The following MDM2 variants were observed in gnomAD, a reference collection of about 807,000 sequenced individuals.
MDM2 encodes MDM2 proto-oncogene.
In MDM2, 11 loss-of-function variants were observed where a neutral mutation model predicts 64.3. That is an observed-to-expected ratio of 0.17 (90% CI 0.11 to 0.28). The LOEUF is 0.28. Among genes scored for constraint, MDM2 ranks in the 10% least tolerant of loss-of-function variants. The pLI, the probability that MDM2 is intolerant of heterozygous loss-of-function variation, is 1.00. For synonymous variants in MDM2, 194 were observed against 192.9 expected, an observed-to-expected ratio of 1.01 and a Z score of -0.05; for missense variants, 388 against 577.1, an observed-to-expected ratio of 0.67 and a Z score of 3.36.
At chr12:68,824,317 C>T (rs966883364) in intron 5 of MDM2, 46 bp from the exon 6 acceptor site, 5 of 1,462,370 alleles carry the variant, frequency 3.4e-6, no homozygotes, top group African/African-American at 2.8e-5. Context: ...CGCCCCGCCG[C>T]CCCCCGCCCA....
intron 7 of MDM2, among the ~76,000 whole-genome samples, chr12:68,826,515 GGCAGGC>G (rs1199634071): frequency 6.6e-6 from 1 of 151,734 alleles, no homozygotes; most frequent in African/African-American, 2.4e-5. Flanking sequence ...CAGGTGTGGT[GGCAGGC>G]GCCTGTAATC....
chr12:68,838,003 A>C (rs1162260578), intron 10 of MDM2, among the ~76,000 whole-genome samples: 1 of 152,222 alleles, frequency 6.6e-6, no homozygotes. Flanking sequence ...AGATACTTTT[A>C]ATTTTTTAAA....
At chr12:68,814,108 A>G in intron 3 of MDM2, among the ~76,000 whole-genome samples, 1 of 152,246 alleles carries the variant, frequency 6.6e-6, no homozygotes. Context: ...GCTGGAGTGC[A>G]GTGGCACGAT....
chr12:68,838,025 A>G (rs766875385), intron 10 of MDM2, among the ~76,000 whole-genome samples: 22 of 152,086 alleles, frequency 1.4e-4, no homozygotes, highest in Non-Finnish European at 2.4e-4. Context: ...CTATTTTAAG[A>G]CTCAAATTAT....
chr12:68,809,283 A>G lies in MDM2; in HGVS notation c.90A>G (p.Gln30=), dbSNP rs916762832. 2 of 1,613,872 alleles carry G rather than the reference A, an allele frequency of 1.2e-6. No individual in the cohort carries two copies. The highest frequency in any genetic ancestry group is 1.1e-5 in the South Asian group (1 of 91,082). Residue 30 remains glutamine (Q), a synonymous_variant, in exon 2 of 11, where the codon CAA becomes CAG. Transcript: ENST00000258149. ...CCTCACAGATTCCAGCTTCGGAACA[A>G]GAGACCCTGGTTAGTATTTTTGTCT... ...VTTSQIPASE[Q]ETLVRPKPLL...
At chr12:68,830,533 G>A (rs1257635771) in intron 8 of MDM2, among the ~76,000 whole-genome samples, 1 of 152,012 alleles carries the variant, frequency 6.6e-6, no homozygotes, top group Non-Finnish European at 1.5e-5. Flanking sequence ...GGTAGATATG[G>A]TTCTTGCCTT....
intron 7 of MDM2, 135 bp from the exon 8 acceptor site, chr12:68,828,636 G>T (rs184122999): frequency 2.5e-4 from 168 of 668,558 alleles, no homozygotes; most frequent in African/African-American, 1.7e-3. Flanking sequence ...GTAACAGTTG[G>T]ACAGATTCAA....
At chr12:68,809,378 T>C (rs933800980) in intron 2 of MDM2, 86 bp downstream of exon 2, 30 of 1,203,488 alleles carry the variant, frequency 2.5e-5, no homozygotes, top group Non-Finnish European at 3.6e-5. Context: ...AATTGTAGCA[T>C]GGCTCTGTAA....
chr12:68,839,466 A>C lies in MDM2; in HGVS notation c.1111A>C (p.Thr371Pro). 8 of 1,614,010 alleles carry C rather than the reference A, an allele frequency of 5.0e-6. No homozygotes were observed. Among genetic ancestry groups the C allele is most frequent in the Non-Finnish European group, 6.8e-6 (8 of 1,180,018 alleles). The change falls in exon 11 of 11, where the codon ACT becomes CCT. Residue 371 changes from threonine (T) to proline (P), a missense_variant. Physicochemically the swap from Thr to Pro is conservative, Grantham distance 38. Coordinates refer to ENST00000258149, the MANE Select transcript of MDM2 (RefSeq NM_002392.6). ...EGFDVPDCKK[T>P]IVNDSRESCV... is the part of the protein sequence containing the mutation. ...CTTTGATGTTCCTGATTGTAAAAAA[A>C]CTATAGTGAATGATTCCAGAGAGTC...
intron 3 of MDM2, among the ~76,000 whole-genome samples, chr12:68,815,433 C>CTTTTTTTTTTTTT (rs58178593): frequency 3.2e-5 from 3 of 93,060 alleles, no homozygotes; most frequent in African/African-American, 4.4e-5. Flanking sequence ...GTTTCTTCTT[C>CTTTTTTTTTTTTT]TTTTTTTTTT....
chr12:68,815,093 A>G (rs1040087164), intron 3 of MDM2, among the ~76,000 whole-genome samples: 2 of 152,236 alleles, frequency 1.3e-5, no homozygotes, highest in East Asian at 3.8e-4. Context: ...ATGCCTGCTT[A>G]GCCAGTTAAA....
At chr12:68,829,938 T>G (rs1023633799) in intron 8 of MDM2, among the ~76,000 whole-genome samples, 26 of 152,234 alleles carry the variant, frequency 1.7e-4, no homozygotes, top group African/African-American at 6.3e-4. Flanking sequence ...GCTTGACAAA[T>G]GGAATATTTT....
chr12:68,845,095 T>C lies in MDM2; in HGVS notation c.*5246T>C. On this transcript the variant is annotated 3_prime_UTR_variant, in exon 11 of 11. Transcript: ENST00000258149. ...ATAAGGGTTTTAAAGATAATTAGTG[T>C]GTAGGTCTGTAGGCTTATGATGGTA... 1 of 220,358 alleles carries C rather than the reference T, an allele frequency of 4.5e-6. No individual in the cohort carries two copies. The highest frequency in any genetic ancestry group is 9.1e-6 in the Non-Finnish European group (1 of 110,066). 13.7% of individuals were successfully genotyped at this position (220,358 alleles called of 1,614,324 possible). A position where few individuals can be genotyped will look rare whatever the true frequency, so the allele number is the denominator to read the frequency against.
Position 68,845,479 on chromosome 12 carries a change from T to C in MDM2, c.*5630T>C, listed in dbSNP as rs1029981893. ...CTTATTCATAATGCATCTGAAATGA[T>C]TGCTGTACTCAAATATTTAACGTTA... On this transcript the variant is annotated 3_prime_UTR_variant, in exon 11 of 11. Coordinates refer to ENST00000258149, the MANE Select transcript of MDM2 (RefSeq NM_002392.6). The C allele has an allele frequency of 9.8e-6, 2 of 204,908 alleles. No homozygotes were observed. The highest frequency in any genetic ancestry group is 4.6e-5 in the African/African-American group (2 of 43,684). The allele number at this position is 204,908 out of a possible 1,614,324, so 12.7% of individuals were successfully genotyped here. A position where few individuals can be genotyped will look rare whatever the true frequency, so the allele number is the denominator to read the frequency against.
chr12:68,833,642 G>C (rs1014647733), intron 8 of MDM2, among the ~76,000 whole-genome samples: 1 of 151,772 alleles, frequency 6.6e-6, no homozygotes, highest in Non-Finnish European at 1.5e-5. Flanking sequence ...CCGGGCCATG[G>C]TTTCTGTCAC....
downstream of MDM2, chr12:68,847,716 G>A (rs1039928685): frequency 1.3e-5 from 2 of 151,668 alleles, no homozygotes; most frequent in African/African-American, 4.8e-5. Context: ...GCCTCCCAAA[G>A]TGCTGGGATT....
intron 8 of MDM2, among the ~76,000 whole-genome samples, chr12:68,834,404 T>C (rs193102245): frequency 4.9e-4 from 74 of 150,906 alleles, no homozygotes; most frequent in South Asian, 1.3e-3. Flanking sequence ...ATCATGCCAC[T>C]GCATTTCATC....
rs767114198 is a variant in MDM2, at chr12:68,839,949, T to C, written c.*100T>C. ...ACATATATCAAAGTGAGAAAATGCC[T>C]CAATTCACATAGATTTCTTCTCTTT... On this transcript the variant is annotated 3_prime_UTR_variant, in exon 11 of 11. Transcript: ENST00000258149. 9.6e-7 allele frequency: 1 copy of C among 1,036,946 alleles called. No homozygotes were observed. Among genetic ancestry groups the C allele is most frequent in the South Asian group, 1.7e-5 (1 of 59,238 alleles). The allele number at this position is 1,036,946 out of a possible 1,614,324, so 64.2% of individuals were successfully genotyped here. A position where few individuals can be genotyped will look rare whatever the true frequency, so the allele number is the denominator to read the frequency against.
downstream of MDM2, chr12:68,846,119 T>A (rs1247582709): frequency 1.4e-5 from 2 of 145,480 alleles, no homozygotes; most frequent in African/African-American, 5.7e-5. Flanking sequence ...ACCTGGCTAA[T>A]TTTTTTTGTA....
Sources: gnomAD v4.1 joint callset for allele counts (sites outside exome capture counted in the v4.1 genomes callset) on GRCh38, gnomAD v4.1.1 for gene constraint, MANE v1.5 for transcripts, NCBI Gene and HGNC (gene_info 2026-07-23, HGNC 2026-07-21) for gene names.